The following SH3BGRL2 variants were observed in gnomAD, a reference collection of about 807,000 sequenced individuals.
SH3BGRL2 encodes the protein SH3 domain-binding glutamic acid-rich-like protein 2.
SH3BGRL2 carries 21 observed loss-of-function variants against 14.8 expected under a neutral mutation model. The ratio of observed to expected loss-of-function variants is 1.42; its 90% CI spans 1.01 to 2.05. The LOEUF is 2.05. SH3BGRL2 is among the 30% of genes most tolerant of loss of function. The pLI, the probability that SH3BGRL2 is intolerant of heterozygous loss-of-function variation, is 0.00. For synonymous variants in SH3BGRL2, 50 were observed against 47.8 expected, an observed-to-expected ratio of 1.05 and a Z score of -0.19; for missense variants, 147 against 130.8, an observed-to-expected ratio of 1.12 and a Z score of -0.61.
chr6:79,552,868 T>C, the SH3BGRL2 span: 1 of 152,254 alleles, frequency 6.6e-6, no homozygotes, highest in Non-Finnish European at 1.5e-5. Context: ...CAGCATACTA[T>C]ACTGGTTATT....
chr6:79,674,268 T>C (rs1473151099), intron 2 of SH3BGRL2, among the ~76,000 whole-genome samples: 2 of 152,146 alleles, frequency 1.3e-5, no homozygotes, highest in African/African-American at 4.8e-5. Flanking sequence ...TAACTGCTAA[T>C]AGCTAATCGT....
chr6:79,642,267 G>A (rs539976884), intron 1 of SH3BGRL2, among the ~76,000 whole-genome samples: 18 of 152,084 alleles, frequency 1.2e-4, no homozygotes, highest in Admixed American at 2.6e-4. Flanking sequence ...TAGCATTTAC[G>A]TTGTATTAGA....
Position 79,696,511 on chromosome 6 carries a change from G to A in SH3BGRL2, c.258G>A (p.Lys86=). ...ATTATGACAGTTTTTTTGAATCCAA[G>A]GAAAGCAACACAGTCTTTTCATTTT... ...CGDYDSFFES[K]ESNTVFSFLG... Residue 86 remains lysine (K), a synonymous_variant, in exon 3 of 4, where the codon AAG becomes AAA. Coordinates refer to ENST00000369838, the MANE Select transcript of SH3BGRL2 (RefSeq NM_031469.4). The A allele has an allele frequency of 6.3e-7, 1 of 1,581,986 alleles. No homozygotes were observed. Among genetic ancestry groups the A allele is most frequent in the South Asian group, 1.2e-5 (1 of 83,840 alleles).
intron 2 of SH3BGRL2, among the ~76,000 whole-genome samples, chr6:79,680,338 T>C (rs1582734780): frequency 1.3e-5 from 2 of 152,152 alleles, no homozygotes; most frequent in South Asian, 4.1e-4. Flanking sequence ...GAAGAGACCA[T>C]CTTTTTTCTC....
At chr6:79,589,596 G>A in the SH3BGRL2 span, among the ~76,000 whole-genome samples, 1 of 152,224 alleles carries the variant, frequency 6.6e-6, no homozygotes, top group African/African-American at 2.4e-5. Flanking sequence ...TATTTGCTAA[G>A]TTGAAGAGAT....
the SH3BGRL2 span, among the ~76,000 whole-genome samples, chr6:79,610,206 G>A: frequency 6.6e-6 from 1 of 152,204 alleles, no homozygotes; most frequent in African/African-American, 2.4e-5. Context: ...ATTAGATGGA[G>A]GCCTCAAGTC....
At chr6:79,635,351 T>C (rs1768902434) in intron 1 of SH3BGRL2, among the ~76,000 whole-genome samples, 1 of 152,266 alleles carries the variant, frequency 6.6e-6, no homozygotes, top group African/African-American at 2.4e-5. Flanking sequence ...AAGCCATTTA[T>C]GTCCAGTCAG....
chr6:79,541,388 T>C, the SH3BGRL2 span, among the ~76,000 whole-genome samples: 1 of 152,158 alleles, frequency 6.6e-6, no homozygotes, highest in South Asian at 2.1e-4. Flanking sequence ...AACAGAAAAA[T>C]CTAGTAGACC....
chr6:79,593,778 C>G, the SH3BGRL2 span, among the ~76,000 whole-genome samples: 1 of 152,114 alleles, frequency 6.6e-6, no homozygotes, highest in Non-Finnish European at 1.5e-5. Flanking sequence ...CAGATATAAA[C>G]ACAAATCCTT....
At chr6:79,581,311 C>A in the SH3BGRL2 span, among the ~76,000 whole-genome samples, 4 of 152,118 alleles carry the variant, frequency 2.6e-5, no homozygotes, top group Non-Finnish European at 4.4e-5. Flanking sequence ...CATCCTGATA[C>A]CAAAGCCCAG....
the SH3BGRL2 span, among the ~76,000 whole-genome samples, chr6:79,595,862 G>A: frequency 6.6e-6 from 1 of 152,096 alleles, no homozygotes; most frequent in Non-Finnish European, 1.5e-5. Flanking sequence ...CATCCAGTTG[G>A]AAAATGAAGA....
chr6:79,647,546 A>G (rs79106104), intron 1 of SH3BGRL2, among the ~76,000 whole-genome samples: 2,881 of 152,198 alleles, frequency 0.019, 94 homozygotes, highest in African/African-American at 0.065. Context: ...CCCCCCAAAC[A>G]ACTCTTAATC....
the SH3BGRL2 span, among the ~76,000 whole-genome samples, chr6:79,606,522 TTGGTGCCTGGCTGGCTGGC>T: frequency 2.0e-5 from 3 of 152,302 alleles, no homozygotes; most frequent in Middle Eastern, 3.4e-3. Context: ...TGTTGGGCCC[TTGGTGCCTGGCTGGCTGGC>T]TGGCACACCC....
intron 1 of SH3BGRL2, among the ~76,000 whole-genome samples, chr6:79,639,387 G>A (rs1344318180): frequency 3.9e-5 from 6 of 152,138 alleles, no homozygotes; most frequent in African/African-American, 1.2e-4. Context: ...TCAGGAGCTC[G>A]AGACCAGCCT....
chr6:79,561,023 G>A, the SH3BGRL2 span: 1 of 151,482 alleles, frequency 6.6e-6, no homozygotes, highest in South Asian at 2.1e-4. Context: ...TGGGATTACA[G>A]GCATGCGCCA....
chr6:79,557,223 A>G, the SH3BGRL2 span, among the ~76,000 whole-genome samples: 4 of 151,816 alleles, frequency 2.6e-5, no homozygotes, highest in Non-Finnish European at 5.9e-5. Context: ...ACTTTTAAAC[A>G]GAAAATTTAA....
the SH3BGRL2 span, among the ~76,000 whole-genome samples, chr6:79,543,296 T>G: frequency 6.6e-6 from 1 of 152,260 alleles, no homozygotes; most frequent in South Asian, 2.1e-4. Flanking sequence ...ACCTAGTATA[T>G]ATTTTGCAGT....
chr6:79,561,526 G>T, the SH3BGRL2 span: 2 of 152,236 alleles, frequency 1.3e-5, no homozygotes, highest in East Asian at 3.9e-4. Flanking sequence ...ACATCTTGGG[G>T]CTACCTGTTA....
intron 2 of SH3BGRL2, among the ~76,000 whole-genome samples, chr6:79,678,593 C>T (rs998972218): frequency 1.3e-5 from 2 of 152,154 alleles, no homozygotes; most frequent in African/African-American, 4.8e-5. Context: ...CTGCTATGAA[C>T]ATGGGTGTGC....
Sources: gnomAD v4.1 joint callset for allele counts (sites outside exome capture counted in the v4.1 genomes callset) on GRCh38, gnomAD v4.1.1 for gene constraint, MANE v1.5 for transcripts, NCBI Gene and HGNC (gene_info 2026-07-23, HGNC 2026-07-21) for gene names.